ADAMTS9: variants seen among roughly 807,000 people sequenced by gnomAD.
The protein encoded by ADAMTS9 is A disintegrin and metalloproteinase with thrombospondin motifs 9.
In ADAMTS9, 107 loss-of-function variants were observed where a neutral mutation model predicts 257.1. The observed-to-expected ratio is 0.42, with a 90% CI of 0.36 to 0.49. The LOEUF (loss-of-function observed/expected upper bound fraction) is 0.49. Among genes scored for constraint, ADAMTS9 ranks in the 20% least tolerant of loss-of-function variants. The pLI, the probability that ADAMTS9 is intolerant of heterozygous loss-of-function variation, is 0.03. For missense variants in ADAMTS9, 2,353 were observed against 2,469.1 expected, an observed-to-expected ratio of 0.95 and a Z score of 1.00; for synonymous variants, 982 against 880.9, an observed-to-expected ratio of 1.11 and a Z score of -2.03.
chr3:64,655,657 G>C lies in ADAMTS9; in HGVS notation c.1088C>G (p.Thr363Arg). The C allele has an allele frequency of 1.2e-6, 2 of 1,614,086 alleles. No individual in the cohort carries two copies. The highest frequency in any genetic ancestry group is 1.7e-6 in the Non-Finnish European group (2 of 1,180,002). Residue 363 changes from threonine to arginine, a missense_variant, in exon 6 of 40, where the codon ACA becomes AGA. Physicochemically the swap from Thr to Arg is moderately conservative, Grantham distance 71. Around this residue, in one of 3 missense-constraint regions of ADAMTS9, gnomAD observed 591 missense variants for 569.6 expected, o/e 1.04. Coordinates refer to ENST00000498707, the MANE Select transcript of ADAMTS9 (RefSeq NM_182920.2). The part of the protein sequence containing the change: ...GPSISFNAQT[T>R]LKNFCQWQHS... ...CTGCCACTGGCAAAAGTTTTTTAAT[G>C]TTGTCTGAGCATTAAAAGATATGGA...
At chr3:64,633,445 G>A in intron 14 of ADAMTS9, 27 bp downstream of exon 14, 1 of 1,612,720 alleles carries the variant, frequency 6.2e-7, no homozygotes, top group Non-Finnish European at 8.5e-7. Context: ...GGAAAACACA[G>A]TGAAGAAAAC....
At chr3:64,567,953 G>C (rs1041476219) in intron 29 of ADAMTS9, among the ~76,000 whole-genome samples, 15 of 152,074 alleles carry the variant, frequency 9.9e-5, no homozygotes, top group Admixed American at 3.9e-4. Flanking sequence ...TAGAACTTTC[G>C]TCAACAGCCC....
intron 11 of ADAMTS9, 29 bp downstream of exon 11, chr3:64,647,911 A>T: frequency 6.3e-7 from 1 of 1,592,112 alleles, no homozygotes; most frequent in Non-Finnish European, 8.6e-7. Flanking sequence ...CTGCCCTAAG[A>T]CAGAAGGACA....
At chr3:64,663,969 T>A (rs938787738) in intron 3 of ADAMTS9, among the ~76,000 whole-genome samples, 1 of 152,120 alleles carries the variant, frequency 6.6e-6, no homozygotes, top group Non-Finnish European at 1.5e-5. Context: ...ATATACCCAC[T>A]CAACTCTGTT....
At chr3:64,615,506 A>C in intron 20 of ADAMTS9, 21 bp from the exon 21 acceptor site, 6 of 1,588,478 alleles carry the variant, frequency 3.8e-6, no homozygotes, top group South Asian at 1.2e-5. Context: ...AAAATAAATA[A>C]ATAAAACTGT....
At chr3:64,592,823 A>G (rs1576092950) in intron 28 of ADAMTS9, 2 of 151,812 alleles carry the variant, frequency 1.3e-5, no homozygotes, top group African/African-American at 2.4e-5. Flanking sequence ...GTGGACAGCT[A>G]GTAGACTTTC....
At chr3:64,534,397 C>T (rs2083020592) in intron 37 of ADAMTS9, among the ~76,000 whole-genome samples, 2 of 152,192 alleles carry the variant, frequency 1.3e-5, no homozygotes, top group African/African-American at 4.8e-5. Context: ...TGGTATCTGT[C>T]TTACATTTTC....
At chr3:64,551,994 G>A (rs371010226) in intron 30 of ADAMTS9, among the ~76,000 whole-genome samples, 1 of 152,206 alleles carries the variant, frequency 6.6e-6, no homozygotes, top group South Asian at 2.1e-4. Context: ...CCTGTGACGG[G>A]TCCTGGGTGA....
At chr3:64,649,953 CT>C in intron 9 of ADAMTS9, 175 bp from the exon 10 acceptor site, 2 of 815,918 alleles carry the variant, frequency 2.5e-6, no homozygotes, top group Non-Finnish European at 3.7e-6. Context: ...TACATTTTTG[CT>C]GTTTACTTTG....
At chr3:64,550,802 C>A in intron 31 of ADAMTS9, 90 bp downstream of exon 31, 1 of 1,522,278 alleles carries the variant, frequency 6.6e-7, no homozygotes. Flanking sequence ...CTCAAGTCTC[C>A]CACATTCCTG....
chr3:64,635,145 G>A (rs187610533), intron 12 of ADAMTS9, among the ~76,000 whole-genome samples: 13 of 152,234 alleles, frequency 8.5e-5, no homozygotes, highest in African/African-American at 2.6e-4. Flanking sequence ...TCTGAGCACC[G>A]AGGCAGGACT....
chr3:64,532,568 T>G (rs958781360), intron 38 of ADAMTS9, among the ~76,000 whole-genome samples: 4 of 152,180 alleles, frequency 2.6e-5, no homozygotes, highest in African/African-American at 7.2e-5. Context: ...ACTGTTCAGC[T>G]GTAGACTCTG....
intron 28 of ADAMTS9, among the ~76,000 whole-genome samples, chr3:64,571,109 A>G (rs962866556): frequency 1.3e-5 from 2 of 152,220 alleles, no homozygotes; most frequent in Non-Finnish European, 2.9e-5. Context: ...AGAAATATTA[A>G]TTTAGTAATC....
rs191974122 is a variant in ADAMTS9 at position 64,659,750 on chromosome 3, G to T, written c.680-959C>A. ...TCCGAGAGTCTGGGCAGGCAGCTGGGACCATGATTTATAATGTCAGATTAG... is the reference window on the plus strand; with the variant it reads ...TCCGAGAGTCTGGGCAGGCAGCTGGTACCATGATTTATAATGTCAGATTAG... On this transcript the variant is annotated intron_variant, in intron 3 of 39. Transcript: ENST00000498707. 2.0e-5 allele frequency among the ~76,000 whole-genome samples: 3 copies of T among 152,212 alleles called. No homozygotes were observed. The East Asian group carries it at 5.8e-4, about 29-fold the overall frequency.
At chr3:64,649,596 G>A (rs146759400) in intron 10 of ADAMTS9, 41 bp downstream of exon 10, 679 of 1,560,206 alleles carry the variant, frequency 4.4e-4, no homozygotes, top group Non-Finnish European at 5.3e-4. Context: ...AAGAAGTGCA[G>A]AATCAGTAGA....
chr3:64,654,132 T>A (rs770286712), intron 8 of ADAMTS9, among the ~76,000 whole-genome samples: 1 of 152,208 alleles, frequency 6.6e-6, no homozygotes, highest in Admixed American at 6.5e-5. Context: ...AAACTGAAGA[T>A]ACACACAAGC....
intron 30 of ADAMTS9, among the ~76,000 whole-genome samples, chr3:64,555,828 G>A (rs960224487): frequency 3.3e-5 from 5 of 152,118 alleles, no homozygotes; most frequent in Admixed American, 2.6e-4. Context: ...AGAAGCGGGG[G>A]AGCAGAATGA....
rs752019001 is a variant in ADAMTS9, at chr3:64,654,376, C to T, written c.1293G>A (p.Thr431=). ...SEDSGLSTAF[T]IAHELGHVFN... The stretch of plus-strand genomic sequence containing the variant: ...ACACATGGCCCAGCTCATGGGCGAT[C>T]GTAAAAGCTGTACTCAATCCACTAT... Residue 431 remains threonine (T), a synonymous_variant, in exon 8 of 40, where the codon ACG becomes ACA. Coordinates refer to ENST00000498707, the MANE Select transcript of ADAMTS9 (RefSeq NM_182920.2). The T allele has an allele frequency of 8.1e-6, 13 of 1,613,742 alleles. No individual in the cohort carries two copies. In the East Asian group the frequency reaches 1.1e-4, roughly 14 times the overall value.
At chr3:64,645,142 T>A (rs1700755014) in intron 11 of ADAMTS9, among the ~76,000 whole-genome samples, 1 of 152,170 alleles carries the variant, frequency 6.6e-6, no homozygotes, top group South Asian at 2.1e-4. Context: ...ACTATTACAT[T>A]ATAACAAAAC....
Sources: allele counts gnomAD v4.1 joint callset (sites outside exome capture counted in the v4.1 genomes callset), GRCh38; gene constraint gnomAD v4.1.1; regional missense constraint gnomAD v4.1.1; transcripts MANE v1.5; gene names NCBI Gene and HGNC (gene_info 2026-07-23, HGNC 2026-07-21).